Variants in MMP24 observed in about 807,000 individuals in gnomAD.
MMP24 encodes matrix metalloproteinase-24.
A neutral mutation model predicts 62.8 loss-of-function variants in MMP24; 25 were observed. The observed-to-expected ratio is 0.40, with a 90% CI of 0.29 to 0.56. The LOEUF (loss-of-function observed/expected upper bound fraction) is 0.56, where lower values mean the gene tolerates loss of function less well. Ranked by LOEUF, MMP24 falls within the 20% of genes least tolerant of loss-of-function variation. MMP24 has a pLI of 0.50. For missense variants in MMP24, 634 were observed against 853.6 expected, an observed-to-expected ratio of 0.74 and a Z score of 3.21; for synonymous variants, 319 against 350.5, an observed-to-expected ratio of 0.91 and a Z score of 1.00.
At chr20:35,244,486 GC>G (rs2146209079) in intron 1 of MMP24, among the ~76,000 whole-genome samples, 1 of 152,222 alleles carries the variant, frequency 6.6e-6, no homozygotes, top group South Asian at 2.1e-4. Context: ...TGTTGCCCCA[GC>G]TCGAGTGTAA....
intron 4 of MMP24, among the ~76,000 whole-genome samples, chr20:35,261,701 C>T (rs970657793): frequency 6.6e-6 from 1 of 152,130 alleles, no homozygotes; most frequent in Non-Finnish European, 1.5e-5. Flanking sequence ...CGCCCGGGCC[C>T]CACCTGCCCT....
At chr20:35,240,683 T>C (rs897417610) in intron 1 of MMP24, among the ~76,000 whole-genome samples, 2 of 152,194 alleles carry the variant, frequency 1.3e-5, no homozygotes, top group African/African-American at 2.4e-5. Flanking sequence ...AAACCTCTAA[T>C]AGATACCAGG....
intron 2 of MMP24, among the ~76,000 whole-genome samples, chr20:35,248,943 C>CTGT (rs1284448942): frequency 2.6e-5 from 4 of 152,196 alleles, no homozygotes; most frequent in Non-Finnish European, 5.9e-5. Context: ...AGCCCCAGGC[C>CTGT]TGTTGGATGG....
intron 3 of MMP24, among the ~76,000 whole-genome samples, chr20:35,253,823 A>T (rs1339897612): frequency 6.6e-6 from 1 of 152,026 alleles, no homozygotes; most frequent in African/African-American, 2.4e-5. Flanking sequence ...GTATTAGGGA[A>T]AAAAACTTAA....
chr20:35,269,816 G>T lies in MMP24; in HGVS notation c.1251G>T (p.Gln417His). 1 of 1,566,236 alleles carries T rather than the reference G, an allele frequency of 6.4e-7. No homozygotes were observed. The highest frequency in any genetic ancestry group is 8.7e-7 in the Non-Finnish European group (1 of 1,155,780). ...NNRVQEGYPM[Q>H]IEQFWKGLPA... ...GAGTGCAGGAGGGCTACCCCATGCA[G>T]ATCGAGCAGTTCTGGAAGGGCCTGC... Residue 417 changes from glutamine to histidine, a missense_variant, in exon 7 of 9, where the codon CAG (glutamine) becomes CAT (histidine). This residue lies in a region of MMP24 where 399 missense variants were observed against 530.8 expected (regional missense o/e 0.75). Transcript: ENST00000246186. The surrounding 1 kb of genome is among the most constrained non-coding windows in gnomAD (Gnocchi z 4.6).
intron 6 of MMP24, among the ~76,000 whole-genome samples, chr20:35,268,487 T>C (rs2060647887): frequency 6.6e-6 from 1 of 152,246 alleles, no homozygotes; most frequent in Non-Finnish European, 1.5e-5. Flanking sequence ...TGAGTGGCTC[T>C]AGGCAAGTCA....
Position 35,272,908 on chromosome 20 carries a change from GA to G in MMP24, c.1600+1076del, listed in dbSNP as rs1387488308. ...GAAGACAAATTATGTAGCATACTTA[GA>G]AATAATGCCTAGCACACCATCCATG... On this transcript the variant is annotated intron_variant, in intron 8 of 8. Coordinates refer to ENST00000246186, the MANE Select transcript of MMP24 (RefSeq NM_006690.4). Among the ~76,000 whole-genome samples the G allele has an allele frequency of 2.0e-5, 3 of 152,316 alleles. No homozygotes were observed. In the East Asian group the frequency reaches 5.8e-4, roughly 29 times the overall value.
chr20:35,274,554 A>G lies in MMP24; in HGVS notation c.1883A>G (p.Lys628Arg). 6.2e-7 allele frequency: 1 copy of G among 1,614,004 alleles called. No individual in the cohort carries two copies. The highest frequency in any genetic ancestry group is 1.7e-5 in the Admixed American group (1 of 60,024). ...LVYTIFQFKNKTGPQPVTYYK... is the reference protein window; with the variant it reads ...LVYTIFQFKNRTGPQPVTYYK... ...TACACCATCTTCCAGTTCAAGAACA[A>G]GACAGGCCCTCAGCCTGTCACCTAC... Residue 628 changes from lysine (K) to arginine (R), a missense_variant, in exon 9 of 9, where the codon AAG (lysine) becomes AGG (arginine). Transcript: ENST00000246186. The surrounding 1 kb of genome is among the most constrained non-coding windows in gnomAD (Gnocchi z 5.1).
Position 35,254,696 on chromosome 20 carries a change from A to T in MMP24, c.759A>T (p.Gly253=). Residue 253 remains glycine (G), a synonymous_variant, in exon 4 of 9, where the codon GGA becomes GGT. Coordinates refer to ENST00000246186, the MANE Select transcript of MMP24 (RefSeq NM_006690.4). The part of the protein sequence containing the change: ...AHAYFPGPGI[G]GDTHFDSDEP... Reference sequence around the variant, plus strand: ...CCTACTTCCCTGGCCCAGGGATTGGAGGAGACACCCACTTTGACTCCGATG... The same window carrying T: ...CCTACTTCCCTGGCCCAGGGATTGGTGGAGACACCCACTTTGACTCCGATG... 6.2e-7 allele frequency: 1 copy of T among 1,614,168 alleles called. No individual in the cohort carries two copies. The highest frequency in any genetic ancestry group is 2.2e-5 in the East Asian group (1 of 44,870).
intron 3 of MMP24, among the ~76,000 whole-genome samples, chr20:35,253,294 C>G (rs1233429918): frequency 4.6e-5 from 2 of 43,284 alleles, no homozygotes; most frequent in East Asian, 6.9e-4. Flanking sequence ...TTTTTTTTTT[C>G]AGAAATCTGA....
intron 3 of MMP24, among the ~76,000 whole-genome samples, chr20:35,254,226 G>A (rs1020319739): frequency 6.6e-6 from 1 of 152,156 alleles, no homozygotes; most frequent in Non-Finnish European, 1.5e-5. Flanking sequence ...CAGCTTTGCT[G>A]GAGATCAAAT....
chr20:35,227,364 G>C lies in MMP24; in HGVS notation c.246+380G>C, dbSNP rs187840561. ...GTTGTGGGTTGGGAGAAGAAACCGA[G>C]GATGTTCAAGCTGGAGAAGGGGGAG... On this transcript the variant is annotated intron_variant, in intron 1 of 8. Coordinates refer to ENST00000246186, the MANE Select transcript of MMP24 (RefSeq NM_006690.4). 2.6e-3 allele frequency among the ~76,000 whole-genome samples: 400 copies of C among 151,922 alleles called. 1 individual carries two copies. Among genetic ancestry groups the C allele is most frequent in the African/African-American group, 9.2e-3 (382 of 41,418 alleles).
chr20:35,244,565 C>T (rs2060504329), intron 1 of MMP24, among the ~76,000 whole-genome samples: 2 of 152,072 alleles, frequency 1.3e-5, no homozygotes, highest in South Asian at 2.1e-4. Flanking sequence ...CTCAGCCTCC[C>T]GAGTAGCTGA....
Position 35,274,674 on chromosome 20 carries a change from G to A in MMP24, c.*65G>A. On this transcript the variant is annotated 3_prime_UTR_variant, in exon 9 of 9. Transcript: ENST00000246186. The surrounding 1 kb of genome is among the most constrained non-coding windows in gnomAD (Gnocchi z 5.1). ...CAGGCCCTTCCTCACCAGGGTCTGA[G>A]GGGCAGCTCTGGCCAGTGCTCACCA... is the stretch of plus-strand genomic sequence containing the variant. 1 of 1,393,136 alleles carries A rather than the reference G, an allele frequency of 7.2e-7. No individual in the cohort carries two copies. Among genetic ancestry groups the A allele is most frequent in the Non-Finnish European group, 9.8e-7 (1 of 1,024,650 alleles). 86.3% of individuals were successfully genotyped at this position (1,393,136 alleles called of 1,614,324 possible).
At chr20:35,270,790 A>C (rs910329881) in intron 7 of MMP24, among the ~76,000 whole-genome samples, 2 of 152,230 alleles carry the variant, frequency 1.3e-5, no homozygotes, top group African/African-American at 2.4e-5. Context: ...CCGAAATCCC[A>C]GCACTTTGGG....
At position 35,270,716 on chromosome 20, in the gene MMP24, C is replaced by T. The variant is rs150077656; in HGVS notation, c.1333+818C>T. Among the ~76,000 whole-genome samples the T allele has an allele frequency of 2.2e-3, 330 of 152,318 alleles. 1 individual carries two copies. The highest frequency in any genetic ancestry group is 7.7e-3 in the African/African-American group (318 of 41,568). ...CGTGCAGCTGAAGGGCAGGGGACAGCTGCCAGGAGAGTCAGAGGGCCTCAG... is the reference window on the plus strand; with the variant it reads ...CGTGCAGCTGAAGGGCAGGGGACAGTTGCCAGGAGAGTCAGAGGGCCTCAG... On this transcript the variant is annotated intron_variant, in intron 7 of 8. Transcript: ENST00000246186.
At chr20:35,242,438 AG>A (rs1234553814) in intron 1 of MMP24, among the ~76,000 whole-genome samples, 5 of 152,256 alleles carry the variant, frequency 3.3e-5, no homozygotes, top group African/African-American at 1.2e-4. Context: ...GGATGAAAAA[AG>A]TAATGGTTAC....
chr20:35,263,735 G>C, intron 4 of MMP24, 56 bp from the exon 5 acceptor site: 9 of 1,406,248 alleles, frequency 6.4e-6, no homozygotes, highest in Non-Finnish European at 8.4e-6. Flanking sequence ...TGGGTTGGCT[G>C]ACCGACTCAT....
chr20:35,251,971 G>A lies in MMP24; in HGVS notation c.462G>A (p.Lys154=), dbSNP rs763129762. 3.1e-6 allele frequency: 5 copies of A among 1,613,924 alleles called. No homozygotes were observed. In the South Asian group the frequency reaches 5.5e-5, roughly 18 times the overall value. ...ACTTAAGCCGTAGGCGGAGAAACAA[G>A]CGCTATGCCCTGACTGGACAGAAGT... ...HPHLSRRRRN[K]RYALTGQKWR... The change falls in exon 3 of 9, where the codon AAG becomes AAA. Residue 154 remains lysine (K), a synonymous_variant. Transcript: ENST00000246186.
Sources: allele counts gnomAD v4.1 joint callset (sites outside exome capture counted in the v4.1 genomes callset), GRCh38; gene constraint gnomAD v4.1.1; regional missense constraint gnomAD v4.1.1; non-coding constraint Gnocchi (gnomAD v3.1); transcripts MANE v1.5; gene names NCBI Gene and HGNC (gene_info 2026-07-23, HGNC 2026-07-21).